Variants in VWF observed in about 807,000 individuals in gnomAD.
VWF encodes Factor VIII related antigen.
A neutral mutation model predicts 308.6 loss-of-function variants in VWF; 176 were observed. The ratio of observed to expected loss-of-function variants is 0.57; its 90% CI spans 0.50 to 0.65. The LOEUF is 0.65. Among genes scored for constraint, VWF ranks in the 30% least tolerant of loss-of-function variants. VWF has a pLI of 0.00. For missense variants in VWF, 3,146 were observed against 3,648.2 expected (o/e 0.86, Z 3.55); for synonymous variants, 1,385 against 1,443.4 (o/e 0.96, Z 0.92).
At chr12:6,050,195 C>T (rs1944493864) in intron 16 of VWF, among the ~76,000 whole-genome samples, 1 of 152,164 alleles carries the variant, frequency 6.6e-6, no homozygotes, top group South Asian at 2.1e-4. Flanking sequence ...CGTCACTGTC[C>T]TCACAGGCAT....
chr12:6,052,741 G>A lies in VWF; in HGVS notation c.1988C>T (p.Thr663Ile), dbSNP rs772793595. The change falls in exon 16 of 52, where the codon ACC becomes ATC. Residue 663 changes from threonine (T) to isoleucine (I), a missense_variant. By Grantham distance (89) the Thr-to-Ile change is moderately conservative (BLOSUM62 -1). Transcript: ENST00000261405. The stretch of plus-strand genomic sequence containing the variant: ...AGAGCGGCAGGTCAGGTTGCAGGGG[G>A]TCCCGCACTGCAGGTACACCTGGCC... Reference protein sequence around the residue: ...PKGQVYLQCGTPCNLTCRSLS... With the variant: ...PKGQVYLQCGIPCNLTCRSLS... The A allele has an allele frequency of 1.2e-6, 2 of 1,614,196 alleles. No individual in the cohort carries two copies. Among genetic ancestry groups the A allele is most frequent in the Non-Finnish European group, 1.7e-6 (2 of 1,180,022 alleles).
At chr12:6,061,589 C>A (rs1944655558) in intron 13 of VWF, among the ~76,000 whole-genome samples, 1 of 152,060 alleles carries the variant, frequency 6.6e-6, no homozygotes, top group African/African-American at 2.4e-5. Flanking sequence ...AACCTGCCAC[C>A]CTGCCCCTGC....
intron 40 of VWF, 33 bp downstream of exon 40, chr12:5,985,012 G>T (rs1310535610): frequency 5.0e-6 from 8 of 1,609,754 alleles, no homozygotes; most frequent in Non-Finnish European, 6.8e-6. Flanking sequence ...CTAGGGTTGG[G>T]CCCTGGAGAC....
chr12:5,967,085 C>T (rs766228337), intron 47 of VWF, among the ~76,000 whole-genome samples: 3 of 152,190 alleles, frequency 2.0e-5, no homozygotes, highest in Admixed American at 6.5e-5. Flanking sequence ...CGAGGCACAT[C>T]CATTCAAAGG....
intron 6 of VWF, among the ~76,000 whole-genome samples, chr12:6,078,472 G>C (rs58140598): frequency 1.3e-5 from 2 of 152,170 alleles, no homozygotes; most frequent in Non-Finnish European, 2.9e-5. Flanking sequence ...AGAGAATTAC[G>C]TCACTGAACT....
intron 20 of VWF, among the ~76,000 whole-genome samples, chr12:6,033,632 C>T (rs757278701): frequency 6.6e-6 from 1 of 152,254 alleles, no homozygotes; most frequent in African/African-American, 2.4e-5. Flanking sequence ...AGGTTCCCTG[C>T]CTGGTCTGCA....
intron 34 of VWF, among the ~76,000 whole-genome samples, chr12:6,002,609 C>G (rs902851869): frequency 1.3e-5 from 2 of 151,818 alleles, no homozygotes; most frequent in Non-Finnish European, 2.9e-5. Context: ...AAAGACAAAT[C>G]TTAAGCACAC....
intron 25 of VWF, among the ~76,000 whole-genome samples, 157 bp downstream of exon 25, chr12:6,023,474 A>G (rs1944153350): frequency 1.3e-5 from 2 of 152,156 alleles, no homozygotes; most frequent in African/African-American, 2.4e-5. Flanking sequence ...TACACAGCCA[A>G]TGTCTTAACC....
At chr12:6,041,854 A>C (rs1944399963) in intron 18 of VWF, among the ~76,000 whole-genome samples, 1 of 152,346 alleles carries the variant, frequency 6.6e-6, no homozygotes, top group Admixed American at 6.5e-5. Flanking sequence ...GGTCCACAGC[A>C]GGCTGGAAAT....
chr12:6,088,406 G>A (rs142710889), intron 6 of VWF, among the ~76,000 whole-genome samples: 15,294 of 151,614 alleles, frequency 0.1, 944 homozygotes, highest in African/African-American at 0.18. Context: ...GTGAACCCGG[G>A]AGGCGGAGCT....
chr12:6,109,543 C>A (rs932469461), intron 5 of VWF, among the ~76,000 whole-genome samples: 3 of 152,058 alleles, frequency 2.0e-5, no homozygotes, highest in Non-Finnish European at 4.4e-5. Context: ...GTGGTTGGGT[C>A]ATAAGGAAGA....
At chr12:6,056,358 A>G (rs1376423854) in intron 15 of VWF, among the ~76,000 whole-genome samples, 2 of 148,706 alleles carry the variant, frequency 1.3e-5, no homozygotes, top group African/African-American at 5.0e-5. Flanking sequence ...AACTGGGGAC[A>G]GTGATGTAAT....
chr12:6,075,621 G>GCCCTTAA lies in VWF; in HGVS notation c.658-71_658-70insTTAAGGG. On this transcript the variant is annotated intron_variant, in intron 6 of 51. Transcript: ENST00000261405. The surrounding 1 kb of genome is among the most constrained non-coding windows in gnomAD (Gnocchi z 4.7). ...TCCCTGAGTGTGGCACTGAGACTTA[G>GCCCTTAA]CCCTGCTAGGGAAACCAAGGCAGCT... 6.5e-7 allele frequency: 1 copy of GCCCTTAA among 1,537,454 alleles called. No homozygotes were observed. Among genetic ancestry groups the GCCCTTAA allele is most frequent in the South Asian group, 1.2e-5 (1 of 84,672 alleles).
Position 6,027,858 on chromosome 12 carries a change from A to ACACC in VWF, c.2967+1483_2967+1484insGGTG, listed in dbSNP as rs1337878182. 7.9e-5 allele frequency among the ~76,000 whole-genome samples: 12 copies of ACACC among 151,512 alleles called. No homozygotes were observed. In the East Asian group the frequency reaches 2.3e-3, roughly 29 times the overall value. On this transcript the variant is annotated intron_variant, in intron 22 of 51. Transcript: ENST00000261405. ...ATACATGGAAGACACATACACACAC[A>ACACC]CACACACACACACACACACACACAC...
At chr12:5,952,214 G>A in intron 49 of VWF, 177 bp downstream of exon 49, 1 of 916,442 alleles carries the variant, frequency 1.1e-6, no homozygotes, top group Non-Finnish European at 1.7e-6. Context: ...ATCCTATATT[G>A]CAGAGAATTT....
rs769324223 is a variant in VWF at position 5,953,543 on chromosome 12, T to C, written c.7939A>G (p.Thr2647Ala). ...CCTCTTAGCTGAATGGTGCAAGCCG[T>C]AGGCAAACATCTCCCACAACATTCA... ...TGECCGRCLPTACTIQLRGGQ... is the reference protein window; with the variant it reads ...TGECCGRCLPAACTIQLRGGQ... The change falls in exon 48 of 52, where the codon ACG becomes GCG. Residue 2647 changes from threonine to alanine, a missense_variant. Transcript: ENST00000261405. The C allele has an allele frequency of 4.6e-5, 74 of 1,614,202 alleles. No homozygotes were observed. The highest frequency in any genetic ancestry group is 6.2e-5 in the Non-Finnish European group (73 of 1,180,040).
At chr12:6,069,125 G>A (rs992177285) in intron 10 of VWF, among the ~76,000 whole-genome samples, 7 of 151,924 alleles carry the variant, frequency 4.6e-5, no homozygotes, top group Non-Finnish European at 8.8e-5. Context: ...CAAAAAGCTG[G>A]GATTACAGGC....
chr12:6,121,372 C>G, intron 2 of VWF, 34 bp from the exon 3 acceptor site: 1 of 1,610,586 alleles, frequency 6.2e-7, no homozygotes, highest in East Asian at 2.2e-5. Flanking sequence ...GGCTGGTGAT[C>G]TCAGGGCACA....
At chr12:5,963,229 A>G (rs887521891) in intron 47 of VWF, among the ~76,000 whole-genome samples, 4 of 152,216 alleles carry the variant, frequency 2.6e-5, no homozygotes, top group African/African-American at 9.7e-5. Context: ...GATACCTTAT[A>G]AAGGACTAGT....
Sources: gnomAD v4.1 joint callset for allele counts (sites outside exome capture counted in the v4.1 genomes callset) on GRCh38, gnomAD v4.1.1 for gene constraint, Gnocchi (gnomAD v3.1) non-coding constraint, MANE v1.5 for transcripts, NCBI Gene and HGNC (gene_info 2026-07-23, HGNC 2026-07-21) for gene names.